POFUT3: variants seen among roughly 807,000 people sequenced by gnomAD.
The protein encoded by POFUT3 is protein O-fucosyltransferase 3.
the POFUT3 span, among the ~76,000 whole-genome samples, chr8:33,329,419 A>G: frequency 6.6e-6 from 1 of 152,238 alleles, no homozygotes; most frequent in Non-Finnish European, 1.5e-5. Flanking sequence ...TACAAGGTCT[A>G]TTAAAGGAGA....
chr8:33,461,287 A>C, the POFUT3 span: 15 of 1,447,232 alleles, frequency 1.0e-5, no homozygotes, highest in Non-Finnish European at 9.3e-7. Flanking sequence ...AAAAAGTGAA[A>C]TAATTGGAGT....
chr8:33,411,480 T>C, the POFUT3 span, among the ~76,000 whole-genome samples: 2 of 152,214 alleles, frequency 1.3e-5, no homozygotes, highest in African/African-American at 4.8e-5. Flanking sequence ...TTTTAAAATC[T>C]TCATTTGGAT....
At chr8:33,353,134 C>A in the POFUT3 span, among the ~76,000 whole-genome samples, 1 of 152,212 alleles carries the variant, frequency 6.6e-6, no homozygotes, top group African/African-American at 2.4e-5. Flanking sequence ...AAACTCAACT[C>A]CACCATATTC....
chr8:33,370,065 C>A, the POFUT3 span, among the ~76,000 whole-genome samples: 1 of 149,902 alleles, frequency 6.7e-6, no homozygotes, highest in Non-Finnish European at 1.5e-5. Flanking sequence ...GGCGCAGTGG[C>A]TCAGGCCTAT....
At chr8:33,369,396 C>T in the POFUT3 span, among the ~76,000 whole-genome samples, 1 of 152,034 alleles carries the variant, frequency 6.6e-6, no homozygotes, top group Admixed American at 6.6e-5. Context: ...AAGATATATG[C>T]TGATATTAGA....
At chr8:33,429,515 G>C in the POFUT3 span, among the ~76,000 whole-genome samples, 1 of 152,074 alleles carries the variant, frequency 6.6e-6, no homozygotes, top group Non-Finnish European at 1.5e-5. Context: ...TAGATCATGT[G>C]GGGTATTACA....
chr8:33,311,029 A>C, the POFUT3 span, among the ~76,000 whole-genome samples: 2 of 152,132 alleles, frequency 1.3e-5, no homozygotes, highest in African/African-American at 4.8e-5. Flanking sequence ...TGGGGCTGGT[A>C]CCCTCCTTGT....
At chr8:33,333,340 T>C in the POFUT3 span, among the ~76,000 whole-genome samples, 3 of 152,162 alleles carry the variant, frequency 2.0e-5, no homozygotes, top group South Asian at 4.2e-4. Flanking sequence ...GGTCAGACCA[T>C]GTAGTGGGGT....
the POFUT3 span, among the ~76,000 whole-genome samples, chr8:33,332,275 G>C: frequency 6.6e-6 from 1 of 150,898 alleles, no homozygotes; most frequent in Non-Finnish European, 1.5e-5. Flanking sequence ...TTTGAGATCA[G>C]GAGTTCGAGA....
At chr8:33,325,069 A>G in the POFUT3 span, among the ~76,000 whole-genome samples, 1 of 152,160 alleles carries the variant, frequency 6.6e-6, no homozygotes, top group Non-Finnish European at 1.5e-5. Flanking sequence ...TTTATTGTCT[A>G]TAAGTATAAA....
At chr8:33,321,273 C>T in the POFUT3 span, among the ~76,000 whole-genome samples, 30 of 152,222 alleles carry the variant, frequency 2.0e-4, no homozygotes, top group Admixed American at 1.0e-3. Context: ...TTATAAAAAA[C>T]GTGATTTGTG....
chr8:33,399,135 C>A, the POFUT3 span, among the ~76,000 whole-genome samples: 1 of 152,198 alleles, frequency 6.6e-6, no homozygotes, highest in East Asian at 1.9e-4. Flanking sequence ...TACTTTAATG[C>A]CAGCATATAG....
chr8:33,364,939 C>A, the POFUT3 span, among the ~76,000 whole-genome samples: 1 of 152,122 alleles, frequency 6.6e-6, no homozygotes, highest in Non-Finnish European at 1.5e-5. Flanking sequence ...CAAAAAAGAG[C>A]CCACATTGCC....
the POFUT3 span, among the ~76,000 whole-genome samples, chr8:33,429,200 C>T: frequency 1.3e-5 from 2 of 152,236 alleles, no homozygotes; most frequent in South Asian, 4.1e-4. Flanking sequence ...AGAGATCTAA[C>T]ATGTGGTGGA....
the POFUT3 span, chr8:33,451,659 T>TATATATGTGTATGA: frequency 6.6e-6 from 1 of 151,310 alleles, no homozygotes; most frequent in Non-Finnish European, 1.5e-5. Flanking sequence ...AACATATATA[T>TATATATGTGTATGA]ACATATATGT....
chr8:33,462,020 C>T, the POFUT3 span, among the ~76,000 whole-genome samples: 2 of 150,332 alleles, frequency 1.3e-5, no homozygotes, highest in Admixed American at 6.7e-5. Context: ...ATTAGTTGGG[C>T]GTGGTGGCAC....
At chr8:33,450,525 A>T in the POFUT3 span, among the ~76,000 whole-genome samples, 4 of 152,218 alleles carry the variant, frequency 2.6e-5, no homozygotes, top group Non-Finnish European at 5.9e-5. Context: ...TAAGTTAGGA[A>T]TATTTCTGAC....
the POFUT3 span, among the ~76,000 whole-genome samples, chr8:33,460,113 G>A: frequency 1.2e-4 from 18 of 151,842 alleles, no homozygotes; most frequent in African/African-American, 3.9e-4. Context: ...CGCTTGAACC[G>A]GGGAGGCAGA....
At chr8:33,392,888 G>A in the POFUT3 span, among the ~76,000 whole-genome samples, 5 of 152,104 alleles carry the variant, frequency 3.3e-5, no homozygotes, top group African/African-American at 1.2e-4. Flanking sequence ...ATGCTGAGAA[G>A]GAGAATCGCT....
Sources: allele counts gnomAD v4.1 joint callset (sites outside exome capture counted in the v4.1 genomes callset), GRCh38; gene constraint gnomAD v4.1.1; transcripts MANE v1.5; gene names NCBI Gene and HGNC (gene_info 2026-07-23, HGNC 2026-07-21).